Variants in ADAM18 observed in about 807,000 individuals in gnomAD.
The protein encoded by ADAM18 is ADAM metallopeptidase domain 18, also known as disintegrin and metalloproteinase domain-containing protein 18.
In ADAM18, 117 loss-of-function variants were observed where a neutral mutation model predicts 94.4. The observed-to-expected ratio is 1.24, with a 90% CI of 1.07 to 1.45. ADAM18 has a LOEUF of 1.45. ADAM18 is among the 40% of genes most tolerant of loss of function. ADAM18 has a pLI of 0.00. For synonymous variants in ADAM18, 327 were observed against 291.6 expected (o/e 1.12, Z -1.24); for missense variants, 936 against 880.0 (o/e 1.06, Z -0.81).
intron 2 of ADAM18, among the ~76,000 whole-genome samples, chr8:39,589,683 T>C (rs1015198756): frequency 1.3e-5 from 2 of 151,798 alleles, no homozygotes; most frequent in Non-Finnish European, 2.9e-5. Context: ...ATATTTTTAT[T>C]AGAAATAATT....
intron 10 of ADAM18, among the ~76,000 whole-genome samples, chr8:39,639,558 CA>C (rs1188694988): frequency 3.3e-5 from 5 of 151,866 alleles, no homozygotes; most frequent in African/African-American, 1.2e-4. Context: ...AATAGTTCAT[CA>C]TATCCATATT....
chr8:39,692,788 C>A, intron 17 of ADAM18, 108 bp downstream of exon 17: 1 of 736,192 alleles, frequency 1.4e-6, no homozygotes, highest in Non-Finnish European at 2.1e-6. Context: ...CTCTGGTAGA[C>A]TAATATAAAG....
chr8:39,681,848 G>A (rs1476578539), intron 16 of ADAM18, among the ~76,000 whole-genome samples: 1 of 152,142 alleles, frequency 6.6e-6, no homozygotes, highest in Non-Finnish European at 1.5e-5. Flanking sequence ...AGTAGAATGT[G>A]TACATAATAA....
intron 10 of ADAM18, 119 bp downstream of exon 10, chr8:39,638,665 A>C: frequency 2.1e-6 from 1 of 469,552 alleles, no homozygotes; most frequent in Non-Finnish European, 3.6e-6. Context: ...GTATATGTAT[A>C]TTCATTATTA....
rs1311291379 is a variant in ADAM18 at position 39,610,571 on chromosome 8, A to G, written c.387A>G (p.Pro129=). 3.1e-6 allele frequency: 5 copies of G among 1,611,528 alleles called. No individual in the cohort carries two copies. Among genetic ancestry groups the G allele is most frequent in the Middle Eastern group, 1.7e-4 (1 of 6,042 alleles). The change falls in exon 6 of 20, where the codon CCA becomes CCG. Residue 129 remains proline (P), a synonymous_variant. Coordinates refer to ENST00000265707, the MANE Select transcript of ADAM18 (RefSeq NM_014237.3). ...QFENISYGIE[P]VESSARFEHI... is the part of the protein sequence containing the mutation. ...AAAATATCAGTTATGGAATTGAACC[A>G]GTAGAATCTTCAGCAAGATTTGAGC...
chr8:39,620,250 C>A (rs1425589278), intron 6 of ADAM18, among the ~76,000 whole-genome samples: 4 of 150,676 alleles, frequency 2.7e-5, no homozygotes, highest in African/African-American at 9.8e-5. Context: ...AGCTTAAAAC[C>A]CCAGACCATG....
intron 17 of ADAM18, among the ~76,000 whole-genome samples, chr8:39,702,570 T>C (rs996173679): frequency 6.6e-6 from 1 of 152,212 alleles, no homozygotes; most frequent in East Asian, 1.9e-4. Flanking sequence ...TGCCTATGTC[T>C]TGAATGATAT....
At chr8:39,624,146 C>G (rs1465363605) in intron 6 of ADAM18, among the ~76,000 whole-genome samples, 1 of 152,104 alleles carries the variant, frequency 6.6e-6, no homozygotes, top group Non-Finnish European at 1.5e-5. Context: ...TGTGCAGAAG[C>G]TTTTTAGTTT....
chr8:39,678,764 G>A (rs1484858109), intron 15 of ADAM18, among the ~76,000 whole-genome samples: 1 of 152,108 alleles, frequency 6.6e-6, no homozygotes, highest in Non-Finnish European at 1.5e-5. Flanking sequence ...TGACTCCATT[G>A]GACTTTGTCT....
chr8:39,706,544 A>C (rs1321846254), intron 17 of ADAM18, among the ~76,000 whole-genome samples: 1 of 152,174 alleles, frequency 6.6e-6, no homozygotes, highest in Non-Finnish European at 1.5e-5. Flanking sequence ...CGATTGAAGA[A>C]GACATTAATG....
chr8:39,682,839 G>A (rs1821505836), intron 16 of ADAM18, among the ~76,000 whole-genome samples: 2 of 152,154 alleles, frequency 1.3e-5, no homozygotes, highest in Admixed American at 1.3e-4. Context: ...TTGAACTGAT[G>A]CTATAATGAA....
intron 18 of ADAM18, 36 bp from the exon 19 acceptor site, chr8:39,723,712 G>A (rs953371341): frequency 1.5e-6 from 2 of 1,356,784 alleles, no homozygotes; most frequent in Admixed American, 2.8e-5. Context: ...AATATCCACT[G>A]AGTCCCCACT....
intron 12 of ADAM18, among the ~76,000 whole-genome samples, chr8:39,663,462 G>A (rs1820900904): frequency 6.7e-6 from 1 of 148,606 alleles, no homozygotes; most frequent in South Asian, 2.1e-4. Context: ...ATCTGGGCAT[G>A]ATTGCTTACA....
intron 2 of ADAM18, among the ~76,000 whole-genome samples, chr8:39,588,161 C>A (rs1818461244): frequency 6.6e-6 from 1 of 151,894 alleles, no homozygotes; most frequent in Non-Finnish European, 1.5e-5. Flanking sequence ...CAATAGTGTA[C>A]AAAGATTCCA....
chr8:39,630,832 C>T (rs959480898), intron 7 of ADAM18, among the ~76,000 whole-genome samples: 7 of 151,790 alleles, frequency 4.6e-5, no homozygotes, highest in South Asian at 2.1e-4. Flanking sequence ...ATAGTAATTT[C>T]GTATTCTATC....
chr8:39,709,310 C>T (rs890352309), intron 18 of ADAM18, among the ~76,000 whole-genome samples: 5 of 152,134 alleles, frequency 3.3e-5, no homozygotes, highest in Admixed American at 1.3e-4. Context: ...TGAAATCAAG[C>T]CACTTCTCTT....
At chr8:39,717,159 G>A (rs1822601677) in intron 18 of ADAM18, among the ~76,000 whole-genome samples, 1 of 151,666 alleles carries the variant, frequency 6.6e-6, no homozygotes, top group South Asian at 2.1e-4. Context: ...CTCATATAAA[G>A]TAACTTATAA....
intron 18 of ADAM18, among the ~76,000 whole-genome samples, chr8:39,707,707 A>G (rs1822278575): frequency 6.6e-6 from 1 of 152,248 alleles, no homozygotes; most frequent in Non-Finnish European, 1.5e-5. Flanking sequence ...GTAAATATAA[A>G]CATACAAGTT....
At chr8:39,652,398 T>G (rs954048367) in intron 12 of ADAM18, among the ~76,000 whole-genome samples, 2 of 152,100 alleles carry the variant, frequency 1.3e-5, no homozygotes, top group Admixed American at 1.3e-4. Context: ...GAATAGACAT[T>G]GCTCAAAATA....
Sources: gnomAD v4.1 joint callset for allele counts (sites outside exome capture counted in the v4.1 genomes callset) on GRCh38, gnomAD v4.1.1 for gene constraint, MANE v1.5 for transcripts, NCBI Gene and HGNC (gene_info 2026-07-23, HGNC 2026-07-21) for gene names.